The following PTPRD variants were observed in gnomAD, a reference collection of about 807,000 sequenced individuals.
PTPRD encodes the protein protein tyrosine phosphatase receptor type D.
In PTPRD, 34 loss-of-function variants were observed where a neutral mutation model predicts 214.5. The ratio of observed to expected loss-of-function variants is 0.16; its 90% confidence interval spans 0.12 to 0.21. PTPRD has a LOEUF of 0.21. PTPRD is among the 10% of genes least tolerant of loss of function. PTPRD has a pLI of 1.00. For missense variants in PTPRD, 2,545 were observed against 2,398.7 expected, an observed-to-expected ratio of 1.06 and a Z score of -1.27; for synonymous variants, 1,128 against 845.7, an observed-to-expected ratio of 1.33 and a Z score of -5.79.
At chr9:8,828,181 T>G (rs1262042365) in intron 11 of PTPRD, among the ~76,000 whole-genome samples, 1 of 152,166 alleles carries the variant, frequency 6.6e-6, no homozygotes, top group Non-Finnish European at 1.5e-5. Flanking sequence ...TTGAAACTGG[T>G]GATACTCAAA....
intron 3 of PTPRD, among the ~76,000 whole-genome samples, chr9:10,089,801 G>A (rs933545934): frequency 6.6e-6 from 1 of 151,582 alleles, no homozygotes; most frequent in Admixed American, 6.6e-5. Context: ...CTAGGTGACG[G>A]GCATCGGGGC....
chr9:8,893,272 G>A (rs1204729025), intron 11 of PTPRD, among the ~76,000 whole-genome samples: 3 of 152,152 alleles, frequency 2.0e-5, no homozygotes, highest in Admixed American at 6.5e-5. Context: ...ATCATTTAAT[G>A]GATTAGCATT....
At chr9:10,392,046 T>A (rs1240322163) in intron 2 of PTPRD, among the ~76,000 whole-genome samples, 1 of 151,822 alleles carries the variant, frequency 6.6e-6, no homozygotes, top group Non-Finnish European at 1.5e-5. Context: ...TTTTTCTTCT[T>A]CTTCTTCATA....
chr9:8,875,851 T>C (rs2098383683), intron 11 of PTPRD, among the ~76,000 whole-genome samples: 1 of 152,156 alleles, frequency 6.6e-6, no homozygotes, highest in Non-Finnish European at 1.5e-5. Context: ...CTCTGAGCCC[T>C]GCTTTCCTCA....
chr9:9,625,659 T>C (rs898859974), intron 7 of PTPRD, among the ~76,000 whole-genome samples: 2 of 152,074 alleles, frequency 1.3e-5, no homozygotes, highest in African/African-American at 2.4e-5. Flanking sequence ...CACCATTTTG[T>C]ATAACTACGG....
intron 8 of PTPRD, among the ~76,000 whole-genome samples, chr9:9,542,267 G>C (rs2077764124): frequency 1.3e-5 from 2 of 151,642 alleles, no homozygotes; most frequent in Non-Finnish European, 3.0e-5. Flanking sequence ...TAATTTAGGT[G>C]ACAAACAGGT....
chr9:9,453,017 TTTA>T (rs946724863), intron 8 of PTPRD, among the ~76,000 whole-genome samples: 9 of 61,816 alleles, frequency 1.5e-4, no homozygotes, highest in African/African-American at 3.9e-4. Context: ...TGAAGCCTAT[TTTA>T]TTTTTTTTTT....
At chr9:10,024,510 C>A (rs1029955410) in intron 4 of PTPRD, among the ~76,000 whole-genome samples, 1 of 152,104 alleles carries the variant, frequency 6.6e-6, no homozygotes, top group African/African-American at 2.4e-5. Flanking sequence ...GTGTTATATT[C>A]AGCACTGTAG....
chr9:8,719,229 A>C (rs1027521756), intron 12 of PTPRD, among the ~76,000 whole-genome samples: 3 of 152,226 alleles, frequency 2.0e-5, no homozygotes, highest in African/African-American at 7.2e-5. Context: ...GCAATTTGAA[A>C]TGGCACTAAC....
rs192428348 is a variant in PTPRD, at chr9:9,052,184, G to A, written c.-142-33449C>T. Among the ~76,000 whole-genome samples, 115 of 152,256 alleles carry A rather than the reference G, an allele frequency of 7.6e-4. 1 individual carries two copies. The highest frequency in any genetic ancestry group is 2.6e-3 in the African/African-American group (106 of 41,546). On this transcript the variant is annotated intron_variant, in intron 10 of 45. Coordinates refer to ENST00000381196, the MANE Select transcript of PTPRD (RefSeq NM_002839.4). The stretch of plus-strand genomic sequence containing the variant: ...CCCACATGGCAGAAGGGGCAAGGGA[G>A]CTCACTAGGGTCTATTTTATTAGGA...
intron 10 of PTPRD, among the ~76,000 whole-genome samples, chr9:9,068,011 T>C (rs953962690): frequency 2.0e-5 from 3 of 152,202 alleles, no homozygotes; most frequent in Non-Finnish European, 4.4e-5. Flanking sequence ...GTTCCTAATC[T>C]CTGGCAACAC....
rs1229972008 is a variant in PTPRD, at chr9:8,485,988, G to C, written c.2829C>G (p.Val943=). The C allele has an allele frequency of 6.2e-7, 1 of 1,614,190 alleles. No homozygotes were observed. The highest frequency in any genetic ancestry group is 1.1e-5 in the South Asian group (1 of 91,082). Reference sequence around the variant, plus strand: ...TGATAATGCCATTTCTCTCTGCCAGGACAGGTGGTTGCCAAGATAACTGGA... The same window carrying C: ...TGATAATGCCATTTCTCTCTGCCAGCACAGGTGGTTGCCAAGATAACTGGA... ...TSVQLSWQPP[V]LAERNGIITK... Residue 943 remains valine, a synonymous_variant, in exon 28 of 46, where the codon GTC becomes GTG. Transcript: ENST00000381196.
intron 6 of PTPRD, among the ~76,000 whole-genome samples, chr9:9,744,407 T>C (rs1292329050): frequency 2.0e-5 from 3 of 152,132 alleles, no homozygotes; most frequent in Non-Finnish European, 4.4e-5. Context: ...TTGTTAGTTA[T>C]TTTACTCTGC....
intron 7 of PTPRD, among the ~76,000 whole-genome samples, chr9:9,583,181 A>C (rs553312579): frequency 1.1e-4 from 17 of 152,190 alleles, no homozygotes; most frequent in African/African-American, 4.1e-4. Context: ...TCCTTCAAAA[A>C]GTATACAATG....
chr9:8,474,247 C>G (rs2096717975), intron 30 of PTPRD, among the ~76,000 whole-genome samples: 1 of 152,130 alleles, frequency 6.6e-6, no homozygotes, highest in Admixed American at 6.6e-5. Flanking sequence ...ATGATCTTCT[C>G]TGGCTGATTT....
intron 9 of PTPRD, among the ~76,000 whole-genome samples, chr9:9,312,402 T>A (rs1337829594): frequency 1.3e-5 from 2 of 152,180 alleles, no homozygotes; most frequent in Admixed American, 1.3e-4. Context: ...GTACAGCATG[T>A]CTTTGAATAA....
intron 14 of PTPRD, among the ~76,000 whole-genome samples, chr9:8,631,383 A>G (rs2096246531): frequency 6.6e-6 from 1 of 151,658 alleles, no homozygotes; most frequent in Non-Finnish European, 1.5e-5. Flanking sequence ...TCCACCCTTG[A>G]TGGTTGGGCT....
intron 11 of PTPRD, among the ~76,000 whole-genome samples, chr9:8,830,649 A>G (rs936826717): frequency 2.0e-5 from 3 of 152,152 alleles, no homozygotes; most frequent in Non-Finnish European, 2.9e-5. Flanking sequence ...ATGAGGGGGC[A>G]TGTTCCTCCC....
chr9:9,757,508 C>A (rs899460889), intron 6 of PTPRD, among the ~76,000 whole-genome samples: 1 of 151,956 alleles, frequency 6.6e-6, no homozygotes, highest in South Asian at 2.1e-4. Flanking sequence ...GGGAAGACAA[C>A]GATTTCAGAA....
Sources: allele counts gnomAD v4.1 joint callset (sites outside exome capture counted in the v4.1 genomes callset), GRCh38; gene constraint gnomAD v4.1.1; transcripts MANE v1.5; gene names NCBI Gene and HGNC (gene_info 2026-07-23, HGNC 2026-07-21).